ADCY1: variants seen among roughly 807,000 people sequenced by gnomAD.
ADCY1 encodes adenylate cyclase 1.
A neutral mutation model predicts 105.4 loss-of-function variants in ADCY1; 28 were observed. The observed-to-expected ratio is 0.27, with a 90% CI of 0.20 to 0.36. The LOEUF (loss-of-function observed/expected upper bound fraction) is 0.36. Among genes scored for constraint, ADCY1 ranks in the 10% least tolerant of loss-of-function variants. The pLI is 1.00. For synonymous variants in ADCY1, 655 were observed against 623.8 expected, an observed-to-expected ratio of 1.05 and a Z score of -0.75; for missense variants, 977 against 1,434.2, an observed-to-expected ratio of 0.68 and a Z score of 5.15.
intron 2 of ADCY1, among the ~76,000 whole-genome samples, chr7:45,604,426 C>T (rs149862856): frequency 2.0e-5 from 3 of 151,884 alleles, no homozygotes; most frequent in Non-Finnish European, 4.4e-5. Flanking sequence ...TTTGCCTAGC[C>T]CTAGTTCTTA....
chr7:45,685,840 A>C, intron 12 of ADCY1, 122 bp from the exon 13 acceptor site: 2 of 1,247,610 alleles, frequency 1.6e-6, no homozygotes, highest in Non-Finnish European at 2.2e-6. Context: ...GTGTGATAGC[A>C]CTGGGGGTGG....
chr7:45,651,557 C>T (rs560900606), intron 5 of ADCY1, among the ~76,000 whole-genome samples: 2 of 152,284 alleles, frequency 1.3e-5, no homozygotes, highest in Non-Finnish European at 2.9e-5. Flanking sequence ...AACCTTTCCC[C>T]GCAGGGCTCC....
intron 2 of ADCY1, among the ~76,000 whole-genome samples, chr7:45,605,593 G>A (rs1039906809): frequency 9.9e-5 from 15 of 151,812 alleles, no homozygotes; most frequent in African/African-American, 3.1e-4. Context: ...TTGACATGGT[G>A]TGTTGCACTG....
chr7:45,667,090 C>T (rs2116148952), intron 8 of ADCY1, among the ~76,000 whole-genome samples: 1 of 152,308 alleles, frequency 6.6e-6, no homozygotes, highest in Middle Eastern at 3.4e-3. Context: ...CCTGTTCACT[C>T]TACTGGTAGT....
chr7:45,661,503 C>T (rs1795104513), intron 7 of ADCY1, among the ~76,000 whole-genome samples: 1 of 152,032 alleles, frequency 6.6e-6, no homozygotes, highest in Non-Finnish European at 1.5e-5. Flanking sequence ...TTCATGGGGT[C>T]CCACTTTCCT....
At chr7:45,610,010 A>G (rs1793490194) in intron 2 of ADCY1, among the ~76,000 whole-genome samples, 1 of 152,154 alleles carries the variant, frequency 6.6e-6, no homozygotes, top group African/African-American at 2.4e-5. Context: ...TTTTAAGCCA[A>G]TGTGAAAGAC....
In ADCY1 at chr7:45,706,322, G is replaced by A. The variant is rs192970546; in HGVS notation, c.2817+1706G>A. On this transcript the variant is annotated intron_variant, in intron 17 of 19. Transcript: ENST00000297323. ...ACAAAGCTGTAGTAATCAAGACAGC[G>A]TGGTATTGGCAAAAGAATAGGCAAA... 6.0e-4 allele frequency among the ~76,000 whole-genome samples: 91 copies of A among 152,178 alleles called. No homozygotes were observed. The East Asian group carries it at 0.014, about 23-fold the overall frequency.
In ADCY1 at chr7:45,703,674, C is replaced by T. The variant is rs181110167; in HGVS notation, c.2646C>T (p.Ile882=). ...ASIPNFNDFY[I]ELDGNNMGVE... ...TCCCCAACTTCAATGACTTCTACAT[C>T]GAGCTGGACGGCAACAACATGGGGG... is the stretch of plus-strand genomic sequence containing the variant. Residue 882 remains isoleucine, a synonymous_variant, in exon 16 of 20, where the codon ATC becomes ATT. Transcript: ENST00000297323. The surrounding 1 kb of genome is among the most constrained non-coding windows in gnomAD (Gnocchi z 5.9). 1.5e-5 allele frequency: 25 copies of T among 1,613,014 alleles called. No homozygotes were observed. Among genetic ancestry groups the T allele is most frequent in the Middle Eastern group, 1.7e-4 (1 of 6,048 alleles).
At position 45,694,522 on chromosome 7, in the gene ADCY1, C is replaced by G. The variant is rs572497443; in HGVS notation, c.2454+7849C>G. On this transcript the variant is annotated intron_variant, in intron 14 of 19. Transcript: ENST00000297323. ...ACCTGTATTAGAAAAGAAGAAAGGT[C>G]TCTCTCAAATCACCTTAAGAAGCCA... 1.9e-4 allele frequency among the ~76,000 whole-genome samples: 29 copies of G among 152,270 alleles called. No individual in the cohort carries two copies. In the Middle Eastern group the frequency reaches 0.01, roughly 54 times the overall value.
Position 45,704,550 on chromosome 7 carries a change from G to A in ADCY1, c.2751G>A (p.Glu917=), listed in dbSNP as rs1423629293. The A allele has an allele frequency of 2.5e-6, 4 of 1,614,102 alleles. No individual in the cohort carries two copies. The highest frequency in any genetic ancestry group is 3.4e-6 in the Non-Finnish European group (4 of 1,180,034). Residue 917 remains glutamate, a synonymous_variant, in exon 17 of 20, where the codon GAG becomes GAA. Coordinates refer to ENST00000297323, the MANE Select transcript of ADCY1 (RefSeq NM_021116.4). The part of the protein sequence containing the change: ...LMEKDFYKDI[E]KIKTIGSTYM... ...AAAAAGACTTTTACAAGGACATAGA[G>A]AAGATCAAGACCATCGGGAGCACCT...
At chr7:45,626,910 C>A (rs1794073927) in intron 4 of ADCY1, among the ~76,000 whole-genome samples, 1 of 152,076 alleles carries the variant, frequency 6.6e-6, no homozygotes, top group Non-Finnish European at 1.5e-5. Context: ...TGGGTGGGGG[C>A]ACATATTGAC....
intron 2 of ADCY1, among the ~76,000 whole-genome samples, chr7:45,602,345 C>T (rs1415345349): frequency 1.3e-5 from 2 of 152,016 alleles, no homozygotes; most frequent in African/African-American, 4.8e-5. Context: ...GGAGGTCACC[C>T]TCAGCTTCCT....
intron 8 of ADCY1, among the ~76,000 whole-genome samples, chr7:45,670,984 G>C (rs1470933634): frequency 3.3e-5 from 5 of 152,230 alleles, no homozygotes; most frequent in Non-Finnish European, 5.9e-5. Flanking sequence ...GATAACCAGT[G>C]ACCGGCAGGG....
chr7:45,603,764 T>G (rs188430225), intron 2 of ADCY1, among the ~76,000 whole-genome samples: 49 of 152,356 alleles, frequency 3.2e-4, no homozygotes, highest in African/African-American at 1.1e-3. Context: ...TTCTTTAAAT[T>G]TGTGATTTCA....
At chr7:45,594,685 A>G (rs1380824122) in intron 2 of ADCY1, among the ~76,000 whole-genome samples, 2 of 152,098 alleles carry the variant, frequency 1.3e-5, no homozygotes, top group Non-Finnish European at 2.9e-5. Flanking sequence ...TGGGTTTTAT[A>G]GCAGCTCTGT....
rs1785444668 is a variant in ADCY1, at chr7:45,720,202, A to T, written c.*6207A>T. 1 of 152,270 alleles carries T rather than the reference A, an allele frequency of 6.6e-6. No homozygotes were observed. The highest frequency in any genetic ancestry group is 2.1e-4 in the South Asian group (1 of 4,824). The allele number at this position is 152,270 out of a possible 1,614,324, so 9.4% of individuals were successfully genotyped here. ...GGGTTGTGCTTCACAATGGACTGGG[A>T]AAAACATCTTTGAAATCAGGAAATC... On this transcript the variant is annotated 3_prime_UTR_variant, in exon 20 of 20. Transcript: ENST00000297323.
chr7:45,672,549 GTA>G (rs951417674), intron 8 of ADCY1, among the ~76,000 whole-genome samples: 1 of 151,240 alleles, frequency 6.6e-6, no homozygotes, highest in Non-Finnish European at 1.5e-5. Flanking sequence ...TTTACATCTT[GTA>G]TTTTATTTTT....
In ADCY1 at chr7:45,717,499, CTAAAT is replaced by C. The variant is rs1390856254; in HGVS notation, c.*3507_*3511del. On this transcript the variant is annotated 3_prime_UTR_variant, in exon 20 of 20. Transcript: ENST00000297323. ...TAGAGCCATTCGGGTAGGATTCTCT[CTAAAT>C]TATTTATTGAAGAGGCTTTGTAAAT... 3 of 152,552 alleles carry C rather than the reference CTAAAT, an allele frequency of 2.0e-5. No individual in the cohort carries two copies. Among genetic ancestry groups the C allele is most frequent in the African/African-American group, 4.8e-5 (2 of 41,448 alleles). 9.4% of individuals were successfully genotyped at this position (152,552 alleles called of 1,614,324 possible).
intron 8 of ADCY1, among the ~76,000 whole-genome samples, chr7:45,675,886 T>A (rs1269908499): frequency 6.6e-6 from 1 of 152,214 alleles, no homozygotes. Context: ...CTTACTTCAA[T>A]CTGTACGTTT....
Sources: allele counts gnomAD v4.1 joint callset (sites outside exome capture counted in the v4.1 genomes callset), GRCh38; gene constraint gnomAD v4.1.1; non-coding constraint Gnocchi (gnomAD v3.1); transcripts MANE v1.5; gene names NCBI Gene and HGNC (gene_info 2026-07-23, HGNC 2026-07-21).